The following GABRG3 variants were observed in gnomAD, a reference collection of about 807,000 sequenced individuals.
The protein encoded by GABRG3 is gamma-aminobutyric acid type A receptor subunit gamma3.
Under a neutral mutation model 48.8 loss-of-function variants are expected in GABRG3, and 25 were observed. The ratio of observed to expected loss-of-function variants is 0.51; its 90% CI spans 0.37 to 0.72. The LOEUF (loss-of-function observed/expected upper bound fraction) is 0.72, where lower values mean the gene tolerates loss of function less well. Among genes scored for constraint, GABRG3 ranks in the 30% least tolerant of loss-of-function variants. GABRG3 has a pLI of 0.00. For missense variants in GABRG3, 394 were observed against 577.9 expected, an observed-to-expected ratio of 0.68 and a Z score of 3.26; for synonymous variants, 227 against 217.6, an observed-to-expected ratio of 1.04 and a Z score of -0.38.
At chr15:27,117,690 C>T (rs1897665317) in intron 3 of GABRG3, among the ~76,000 whole-genome samples, 3 of 152,186 alleles carry the variant, frequency 2.0e-5, no homozygotes, top group Admixed American at 6.5e-5. Context: ...TATTTCTGAC[C>T]TCTGGAATGA....
intron 3 of GABRG3, among the ~76,000 whole-genome samples, chr15:27,186,171 C>T (rs1888090922): frequency 1.3e-5 from 2 of 152,060 alleles, no homozygotes; most frequent in South Asian, 2.1e-4. Context: ...AGATCTTGGC[C>T]TGCTCCCTCT....
At chr15:27,053,439 C>T (rs567694300) in intron 3 of GABRG3, among the ~76,000 whole-genome samples, 2 of 152,290 alleles carry the variant, frequency 1.3e-5, no homozygotes, top group South Asian at 2.1e-4. Context: ...AGTGAGACAC[C>T]ATCTCACGCC....
At chr15:27,530,851 G>A (rs569297924) in intron 9 of GABRG3, 1 of 365,978 alleles carries the variant, frequency 2.7e-6, no homozygotes, top group African/African-American at 2.1e-5. Context: ...ATGTCTGGCT[G>A]ATCACTGTCA....
intron 9 of GABRG3, among the ~76,000 whole-genome samples, chr15:27,529,353 TTTATC>T (rs1206089314): frequency 6.6e-6 from 1 of 152,174 alleles, no homozygotes; most frequent in Non-Finnish European, 1.5e-5. Context: ...GTGAACAACT[TTTATC>T]ATATAACAAC....
intron 5 of GABRG3, among the ~76,000 whole-genome samples, chr15:27,384,168 A>G (rs1312443115): frequency 6.6e-6 from 1 of 152,234 alleles, no homozygotes. Flanking sequence ...CTATATGTCT[A>G]AATTGTGAGA....
chr15:27,461,158 G>C (rs964519124), intron 5 of GABRG3, among the ~76,000 whole-genome samples: 4 of 152,178 alleles, frequency 2.6e-5, no homozygotes, highest in Non-Finnish European at 4.4e-5. Flanking sequence ...TTCCCACTCA[G>C]AGCACTGCTG....
At position 27,312,294 on chromosome 15, in the gene GABRG3, C is replaced by T. The variant is rs568103351; in HGVS notation, c.271-14515C>T. On this transcript the variant is annotated intron_variant, in intron 3 of 9. Transcript: ENST00000615808. ...AGAAAAGAATAAAGAGTAAAGAAAG[C>T]TTCAAGGATTTAAAAGACATTATCA... Among the ~76,000 whole-genome samples, 3 of 152,070 alleles carry T rather than the reference C, an allele frequency of 2.0e-5. No individual in the cohort carries two copies. In the East Asian group the frequency reaches 5.8e-4, roughly 29 times the overall value.
At chr15:27,394,480 A>C (rs569351616) in intron 5 of GABRG3, among the ~76,000 whole-genome samples, 1 of 152,040 alleles carries the variant, frequency 6.6e-6, no homozygotes, top group East Asian at 1.9e-4. Context: ...GGAAGTAGAA[A>C]ATTGTTATTA....
At position 27,538,301 on chromosome 15, in the gene GABRG3, C is replaced by T. The variant is rs930480473; in HGVS notation, c.*5420C>T. On this transcript the variant is annotated 3_prime_UTR_variant, in exon 10 of 10. Transcript: ENST00000615808. ...CTGAAAAACTAGTTGAACAATCAGT[C>T]ACTGACAAGTTTTCAATGTTTTGAG... 2.6e-5 allele frequency: 4 copies of T among 152,182 alleles called. No individual in the cohort carries two copies. Among genetic ancestry groups the T allele is most frequent in the Non-Finnish European group, 5.9e-5 (4 of 68,036 alleles). 9.4% of individuals were successfully genotyped at this position (152,182 alleles called of 1,614,324 possible).
intron 3 of GABRG3, among the ~76,000 whole-genome samples, chr15:27,266,220 A>G (rs1890917299): frequency 6.6e-6 from 1 of 151,544 alleles, no homozygotes; most frequent in Non-Finnish European, 1.5e-5. Flanking sequence ...TCAATTTTAC[A>G]TTTACATCAA....
At chr15:27,277,686 A>C (rs2067862063) in intron 3 of GABRG3, among the ~76,000 whole-genome samples, 1 of 152,194 alleles carries the variant, frequency 6.6e-6, no homozygotes. Flanking sequence ...TCTGCTTCAC[A>C]ACAGTACCTA....
At chr15:26,989,581 A>G (rs2140645741) in intron 2 of GABRG3, among the ~76,000 whole-genome samples, 1 of 152,312 alleles carries the variant, frequency 6.6e-6, no homozygotes, top group Non-Finnish European at 1.5e-5. Flanking sequence ...AATCACATCG[A>G]GGAAAATTGG....
At chr15:26,990,803 A>ATTTTT (rs36038223) in intron 2 of GABRG3, among the ~76,000 whole-genome samples, 1 of 129,444 alleles carries the variant, frequency 7.7e-6, no homozygotes. Context: ...ATCCATTTTG[A>ATTTTT]TTTTTTTTTT....
intron 5 of GABRG3, among the ~76,000 whole-genome samples, chr15:27,390,905 A>G (rs150999275): frequency 1.3e-5 from 2 of 152,270 alleles, no homozygotes; most frequent in African/African-American, 2.4e-5. Context: ...CCTGGCCAAC[A>G]TGGTGCAATG....
At chr15:27,190,436 T>C (rs368836704) in intron 3 of GABRG3, among the ~76,000 whole-genome samples, 75 of 152,190 alleles carry the variant, frequency 4.9e-4, no homozygotes, top group Non-Finnish European at 4.4e-4. Context: ...GATTCAACTT[T>C]TTCCTGGTTT....
At chr15:27,439,330 G>A (rs935305282) in intron 5 of GABRG3, among the ~76,000 whole-genome samples, 1 of 152,254 alleles carries the variant, frequency 6.6e-6, no homozygotes, top group Non-Finnish European at 1.5e-5. Flanking sequence ...TGGTGGAAGC[G>A]AAAAGTCTTA....
chr15:27,300,558 G>C (rs1892163438), intron 3 of GABRG3, among the ~76,000 whole-genome samples: 3 of 151,788 alleles, frequency 2.0e-5, no homozygotes, highest in Admixed American at 2.0e-4. Context: ...TTGAGAGGCT[G>C]AGGCAGGAGA....
At chr15:27,117,984 C>T (rs1310752950) in intron 3 of GABRG3, among the ~76,000 whole-genome samples, 1 of 152,130 alleles carries the variant, frequency 6.6e-6, no homozygotes, top group Non-Finnish European at 1.5e-5. Flanking sequence ...CAGTCTGGCT[C>T]CCGTACTTAA....
At chr15:27,151,419 T>C (rs950927675) in intron 3 of GABRG3, among the ~76,000 whole-genome samples, 1 of 151,964 alleles carries the variant, frequency 6.6e-6, no homozygotes, top group African/African-American at 2.4e-5. Flanking sequence ...TGAATATCAA[T>C]AGATGGTTAC....
Sources: gnomAD v4.1 joint callset for allele counts (sites outside exome capture counted in the v4.1 genomes callset) on GRCh38, gnomAD v4.1.1 for gene constraint, MANE v1.5 for transcripts, NCBI Gene and HGNC (gene_info 2026-07-23, HGNC 2026-07-21) for gene names.